The following SIPA1L3 variants were observed in gnomAD, a reference collection of about 807,000 sequenced individuals.
SIPA1L3 encodes signal-induced proliferation-associated 1-like protein 3.
A neutral mutation model predicts 150.1 loss-of-function variants in SIPA1L3; 59 were observed. The ratio of observed to expected loss-of-function variants is 0.39; its 90% CI spans 0.32 to 0.49. The LOEUF (loss-of-function observed/expected upper bound fraction) is 0.49. SIPA1L3 is among the 20% of genes least tolerant of loss of function. SIPA1L3 has a pLI of 0.86. For missense variants in SIPA1L3, 2,211 were observed against 2,489.5 expected, an observed-to-expected ratio of 0.89 and a Z score of 2.38; for synonymous variants, 1,070 against 1,077.6, an observed-to-expected ratio of 0.99 and a Z score of 0.14.
intron 21 of SIPA1L3, 152 bp downstream of exon 21, chr19:38,204,360 T>C (rs1191663341): frequency 1.9e-5 from 11 of 581,552 alleles, no homozygotes; most frequent in Non-Finnish European, 3.3e-5. Context: ...GAGTAAACAG[T>C]GATAACACCC....
At chr19:38,157,097 G>A (rs914383997) in intron 13 of SIPA1L3, among the ~76,000 whole-genome samples, 3 of 152,138 alleles carry the variant, frequency 2.0e-5, no homozygotes, top group Non-Finnish European at 2.9e-5. Flanking sequence ...CCGAGAGTTT[G>A]AGGCTACAGC....
intron 1 of SIPA1L3, among the ~76,000 whole-genome samples, chr19:37,951,075 A>G (rs1478391159): frequency 1.3e-5 from 2 of 152,158 alleles, no homozygotes; most frequent in Non-Finnish European, 2.9e-5. Context: ...ACTTACTGAG[A>G]CCGCTGTGTG....
At chr19:37,914,373 A>ATTT (rs1367392680) in intron 1 of SIPA1L3, among the ~76,000 whole-genome samples, 1 of 120,234 alleles carries the variant, frequency 8.3e-6, no homozygotes, top group African/African-American at 4.4e-5. Flanking sequence ...ATACTACTTT[A>ATTT]ATTTTTTTTT....
intron 1 of SIPA1L3, among the ~76,000 whole-genome samples, chr19:37,921,810 C>T (rs975334000): frequency 2.6e-5 from 4 of 151,884 alleles, no homozygotes; most frequent in African/African-American, 7.3e-5. Context: ...GCTATGTTGT[C>T]GTGGCTGGTC....
At chr19:38,114,674 A>G (rs751715572) in intron 8 of SIPA1L3, among the ~76,000 whole-genome samples, 6 of 152,356 alleles carry the variant, frequency 3.9e-5, no homozygotes, top group Non-Finnish European at 7.3e-5. Flanking sequence ...ATACCTTGGT[A>G]GAAACCTGTT....
intron 10 of SIPA1L3, among the ~76,000 whole-genome samples, chr19:38,139,553 G>A (rs2145935936): frequency 6.6e-6 from 1 of 152,236 alleles, no homozygotes; most frequent in South Asian, 2.1e-4. Context: ...CCTGGTGCCT[G>A]GTGAGACATT....
At chr19:38,027,656 T>G (rs1035561647) in intron 1 of SIPA1L3, among the ~76,000 whole-genome samples, 1 of 151,580 alleles carries the variant, frequency 6.6e-6, no homozygotes, top group East Asian at 1.9e-4. Flanking sequence ...ACCAGGTTGC[T>G]GGGTTCACAT....
At chr19:38,114,601 G>GGGGCA (rs1970839994) in intron 8 of SIPA1L3, among the ~76,000 whole-genome samples, 1 of 152,288 alleles carries the variant, frequency 6.6e-6, no homozygotes, top group South Asian at 2.1e-4. Flanking sequence ...CCTGGTGTGT[G>GGGGCA]TGGCATTCTT....
intron 2 of SIPA1L3, among the ~76,000 whole-genome samples, chr19:38,059,198 C>T (rs1969395077): frequency 6.6e-6 from 1 of 150,466 alleles, no homozygotes; most frequent in African/African-American, 2.5e-5. Context: ...GATGGGGTCT[C>T]ACTGTTGCCC....
intron 3 of SIPA1L3, among the ~76,000 whole-genome samples, chr19:38,087,237 G>A (rs1970153919): frequency 6.6e-6 from 1 of 152,202 alleles, no homozygotes. Flanking sequence ...TTCGCAAGGA[G>A]CTAGATATGC....
chr19:38,043,782 G>A (rs914029154), intron 2 of SIPA1L3, among the ~76,000 whole-genome samples: 6 of 152,192 alleles, frequency 3.9e-5, no homozygotes, highest in African/African-American at 1.2e-4. Flanking sequence ...CAGTGGCTAC[G>A]ATAAAAAGAG....
At chr19:37,945,526 C>T (rs1173739048) in intron 1 of SIPA1L3, among the ~76,000 whole-genome samples, 10 of 152,094 alleles carry the variant, frequency 6.6e-5, no homozygotes, top group East Asian at 1.9e-4. Context: ...TGTGAGCCAC[C>T]GCGCCCAGCC....
intron 1 of SIPA1L3, among the ~76,000 whole-genome samples, chr19:37,912,345 C>A (rs1329465811): frequency 6.6e-6 from 1 of 152,142 alleles, no homozygotes; most frequent in Non-Finnish European, 1.5e-5. Flanking sequence ...TGACTCTATC[C>A]TATATTAGTT....
At chr19:38,173,198 G>T (rs1288140036) in intron 15 of SIPA1L3, among the ~76,000 whole-genome samples, 1 of 152,268 alleles carries the variant, frequency 6.6e-6, no homozygotes, top group Non-Finnish European at 1.5e-5. Context: ...GGGGAGGATG[G>T]TGGTCAGCAT....
At chr19:38,070,762 C>T (rs778995248) in intron 2 of SIPA1L3, among the ~76,000 whole-genome samples, 48 of 152,278 alleles carry the variant, frequency 3.2e-4, no homozygotes, top group South Asian at 2.1e-4. Flanking sequence ...ATGACTTGTA[C>T]GTGCCCAGAA....
chr19:38,138,252 T>G (rs1971482524), intron 10 of SIPA1L3, among the ~76,000 whole-genome samples: 1 of 152,222 alleles, frequency 6.6e-6, no homozygotes, highest in African/African-American at 2.4e-5. Flanking sequence ...AGTTGTGGGC[T>G]TTGGAGTCAA....
rs1277356832 is a variant in SIPA1L3 at position 38,206,206 on chromosome 19, C to T, written c.5312C>T (p.Ala1771Val). ...QAASEQLRKFAEIFCREKKEL is the reference protein window; with the variant it reads ...QAASEQLRKFVEIFCREKKEL ...GCCAGCGAGCAGCTGCGCAAGTTTGCGGAGATCTTCTGCAGGGAGAAGAAG... is the reference window on the plus strand; with the variant it reads ...GCCAGCGAGCAGCTGCGCAAGTTTGTGGAGATCTTCTGCAGGGAGAAGAAG... The change falls in exon 22 of 22, where the codon GCG becomes GTG. Residue 1771 changes from alanine to valine, a missense_variant. This residue lies in a region of SIPA1L3 where 63 missense variants were observed against 106.1 expected (regional missense o/e 0.59). Coordinates refer to ENST00000222345, the MANE Select transcript of SIPA1L3 (RefSeq NM_015073.3). 9.0e-6 allele frequency: 14 copies of T among 1,562,102 alleles called. No homozygotes were observed. In the Admixed American group the frequency reaches 9.5e-5, roughly 11 times the overall value.
chr19:38,060,592 A>C (rs920297456), intron 2 of SIPA1L3, among the ~76,000 whole-genome samples: 11 of 152,184 alleles, frequency 7.2e-5, no homozygotes, highest in African/African-American at 2.4e-4. Flanking sequence ...TCCCTGAGAA[A>C]CCACTGTTAC....
intron 18 of SIPA1L3, among the ~76,000 whole-genome samples, chr19:38,196,579 C>G (rs1025259220): frequency 6.8e-6 from 1 of 146,522 alleles, no homozygotes; most frequent in Non-Finnish European, 1.5e-5. Context: ...AAGGGCAGAG[C>G]GTGGAGGTCA....
Sources: gnomAD v4.1 joint callset for allele counts (sites outside exome capture counted in the v4.1 genomes callset) on GRCh38, gnomAD v4.1.1 for gene constraint, gnomAD v4.1.1 regional missense constraint, MANE v1.5 for transcripts, NCBI Gene and HGNC (gene_info 2026-07-23, HGNC 2026-07-21) for gene names.